KIAA1328: variants seen among roughly 807,000 people sequenced by gnomAD.
KIAA1328 encodes protein hinderin.
KIAA1328 carries 52 observed loss-of-function variants against 68.1 expected under a neutral mutation model. The observed-to-expected ratio is 0.76, with a 90% confidence interval of 0.61 to 0.96. The LOEUF (loss-of-function observed/expected upper bound fraction) is 0.96. Among genes scored for constraint, KIAA1328 ranks in the 40% least tolerant of loss-of-function variants. KIAA1328 has a pLI of 0.00. For synonymous variants in KIAA1328, 232 were observed against 239.4 expected, an observed-to-expected ratio of 0.97 and a Z score of 0.28; for missense variants, 641 against 677.6, an observed-to-expected ratio of 0.95 and a Z score of 0.60.
chr18:36,942,342 T>C (rs1598773211), intron 5 of KIAA1328, among the ~76,000 whole-genome samples: 1 of 152,308 alleles, frequency 6.6e-6, no homozygotes, highest in East Asian at 1.9e-4. Flanking sequence ...CAGGAACGAA[T>C]TTTGGTTTTC....
At chr18:37,101,717 A>G (rs572101410) in intron 7 of KIAA1328, among the ~76,000 whole-genome samples, 1 of 152,366 alleles carries the variant, frequency 6.6e-6, no homozygotes, top group South Asian at 2.1e-4. Context: ...CATAATTGTC[A>G]GATTCACCAA....
At chr18:37,144,374 T>C (rs1402411202) in intron 7 of KIAA1328, among the ~76,000 whole-genome samples, 3 of 152,088 alleles carry the variant, frequency 2.0e-5, no homozygotes, top group Non-Finnish European at 4.4e-5. Context: ...TGTGTTTTTA[T>C]TTGTCTATTT....
At chr18:37,075,110 C>A (rs1368333748) in intron 7 of KIAA1328, 3 of 151,924 alleles carry the variant, frequency 2.0e-5, no homozygotes, top group Non-Finnish European at 4.4e-5. Context: ...CAAAGGGAAG[C>A]CCATCAGACT....
rs138437616 is a variant in KIAA1328 at position 37,039,489 on chromosome 18, T to A, written c.577-27401T>A. Among the ~76,000 whole-genome samples the A allele has an allele frequency of 4.7e-3, 710 of 152,112 alleles. 7 individuals carry two copies. The highest frequency in any genetic ancestry group is 0.016 in the African/African-American group (673 of 41,478). ...GTGCAGTGGCGCAATCTCGGCTCAC[T>A]GCACCCTCCTCATCCCAGGTTCAAG... is the stretch of plus-strand genomic sequence containing the variant. On this transcript the variant is annotated intron_variant, in intron 6 of 9. Transcript: ENST00000280020.
At chr18:37,113,266 A>G (rs1433567756) in intron 7 of KIAA1328, among the ~76,000 whole-genome samples, 1 of 152,184 alleles carries the variant, frequency 6.6e-6, no homozygotes, top group Non-Finnish European at 1.5e-5. Flanking sequence ...GAGAAAGGTC[A>G]GGTTAATCAT....
intron 6 of KIAA1328, among the ~76,000 whole-genome samples, chr18:37,056,541 C>T (rs1158461162): frequency 1.3e-5 from 2 of 152,082 alleles, no homozygotes; most frequent in Non-Finnish European, 2.9e-5. Flanking sequence ...TCATTTTCTC[C>T]TCATCTTTGT....
chr18:37,148,305 T>A (rs2058950308), intron 7 of KIAA1328, among the ~76,000 whole-genome samples: 1 of 152,190 alleles, frequency 6.6e-6, no homozygotes, highest in Non-Finnish European at 1.5e-5. Flanking sequence ...AAGGACATGA[T>A]CTTGTTCCTT....
chr18:36,997,860 G>C (rs534347594), intron 6 of KIAA1328, among the ~76,000 whole-genome samples: 22 of 152,250 alleles, frequency 1.4e-4, no homozygotes, highest in African/African-American at 5.1e-4. Flanking sequence ...TGGTACTGTG[G>C]TGTCAGCTGG....
intron 5 of KIAA1328, among the ~76,000 whole-genome samples, chr18:36,949,605 C>A (rs1193385871): frequency 1.0e-5 from 1 of 97,324 alleles, no homozygotes; most frequent in Non-Finnish European, 2.0e-5. Flanking sequence ...GCTCCCCCCC[C>A]CCCACCCCCC....
chr18:37,210,551 T>C (rs1431733359), intron 9 of KIAA1328, among the ~76,000 whole-genome samples: 1 of 152,184 alleles, frequency 6.6e-6, no homozygotes, highest in Non-Finnish European at 1.5e-5. Flanking sequence ...TGGTACTTTA[T>C]GGGTCTGGAT....
At chr18:36,968,982 G>A (rs975717050) in intron 6 of KIAA1328, among the ~76,000 whole-genome samples, 2 of 152,102 alleles carry the variant, frequency 1.3e-5, no homozygotes, top group African/African-American at 4.8e-5. Context: ...AGACCAAGAA[G>A]ATCTTTGAAA....
At chr18:37,141,354 C>G (rs1390416106) in intron 7 of KIAA1328, among the ~76,000 whole-genome samples, 1 of 152,150 alleles carries the variant, frequency 6.6e-6, no homozygotes, top group Non-Finnish European at 1.5e-5. Flanking sequence ...ATACAATATG[C>G]GTAAGTCTGA....
At chr18:36,909,733 C>T (rs2151065159) in intron 5 of KIAA1328, among the ~76,000 whole-genome samples, 1 of 152,188 alleles carries the variant, frequency 6.6e-6, no homozygotes, top group South Asian at 2.1e-4. Context: ...ATGGTTGAAC[C>T]AGTTTACAGT....
intron 4 of KIAA1328, among the ~76,000 whole-genome samples, chr18:36,869,848 C>CTTTA (rs368598130): frequency 7.2e-5 from 11 of 152,114 alleles, no homozygotes; most frequent in South Asian, 2.1e-4. Flanking sequence ...CAGGTTAGTA[C>CTTTA]TTTATAATTG....
At chr18:36,905,563 G>A (rs72887049) in intron 5 of KIAA1328, among the ~76,000 whole-genome samples, 16,162 of 151,982 alleles carry the variant, frequency 0.11, 1,087 homozygotes, top group Non-Finnish European at 0.13. Context: ...TTACAAAAAC[G>A]TCTTTATTTT....
At chr18:37,032,624 T>A (rs2054875577) in intron 6 of KIAA1328, among the ~76,000 whole-genome samples, 1 of 152,058 alleles carries the variant, frequency 6.6e-6, no homozygotes, top group Non-Finnish European at 1.5e-5. Context: ...CATTTCTCAT[T>A]TCTTCTGGCT....
intron 5 of KIAA1328, among the ~76,000 whole-genome samples, chr18:36,913,370 A>AAT (rs2049534726): frequency 6.7e-6 from 1 of 149,496 alleles, no homozygotes. Context: ...AAAAAAAAAA[A>AAT]TTTTTTAAGA....
chr18:36,890,487 A>G (rs1380074797), intron 5 of KIAA1328, among the ~76,000 whole-genome samples: 2 of 152,142 alleles, frequency 1.3e-5, no homozygotes, highest in South Asian at 2.1e-4. Context: ...CCTGGCCAAC[A>G]TGGTGAAACC....
chr18:37,216,938 G>T (rs1161042483), intron 9 of KIAA1328, among the ~76,000 whole-genome samples: 11 of 84,210 alleles, frequency 1.3e-4, no homozygotes, highest in South Asian at 3.4e-4. Context: ...TTTAAAGTCT[G>T]TTTTATCAGA....
Sources: allele counts gnomAD v4.1 joint callset (sites outside exome capture counted in the v4.1 genomes callset), GRCh38; gene constraint gnomAD v4.1.1; transcripts MANE v1.5; gene names NCBI Gene and HGNC (gene_info 2026-07-23, HGNC 2026-07-21).